Variants in LGSN observed in about 807,000 individuals in gnomAD.
LGSN encodes lengsin.
Under a neutral mutation model 19.5 loss-of-function variants are expected in LGSN, and 21 were observed. That is an observed-to-expected ratio of 1.07 (90% CI 0.76 to 1.55). The LOEUF (loss-of-function observed/expected upper bound fraction) is 1.55. Ranked by LOEUF, LGSN falls within the 40% of genes most tolerant of loss-of-function variation. The probability of loss-of-function intolerance (pLI) is 0.00; values close to 1 mark genes in which losing one functional copy is unlikely to be tolerated. For synonymous variants in LGSN, 257 were observed against 215.6 expected (o/e 1.19, Z -1.68); for missense variants, 673 against 608.5 (o/e 1.11, Z -1.12).
At chr6:63,397,179 A>G in the LGSN span, 1 of 152,254 alleles carries the variant, frequency 6.6e-6, no homozygotes, top group Non-Finnish European at 1.5e-5. Context: ...CAATCCTCTT[A>G]TCTCATAAGA....
chr6:63,497,398 A>G, the LGSN span, among the ~76,000 whole-genome samples: 1 of 151,990 alleles, frequency 6.6e-6, no homozygotes, highest in Non-Finnish European at 1.5e-5. Flanking sequence ...ACAATACAAA[A>G]ATTAGCCAGG....
At chr6:63,348,208 G>C in the LGSN span, among the ~76,000 whole-genome samples, 2 of 152,158 alleles carry the variant, frequency 1.3e-5, no homozygotes, top group East Asian at 1.9e-4. Flanking sequence ...TAAAAGTATG[G>C]ACTGGGAGGC....
the LGSN span, among the ~76,000 whole-genome samples, chr6:63,519,851 T>C: frequency 6.6e-6 from 1 of 152,210 alleles, no homozygotes; most frequent in African/African-American, 2.4e-5. Flanking sequence ...CATCAATTTA[T>C]CAATAAAAAC....
chr6:63,334,683 G>A, the LGSN span, among the ~76,000 whole-genome samples: 1 of 152,104 alleles, frequency 6.6e-6, no homozygotes, highest in Admixed American at 6.6e-5. Flanking sequence ...TGAAGCTGGA[G>A]GCATCACACT....
At chr6:63,353,232 G>A in the LGSN span, among the ~76,000 whole-genome samples, 1 of 152,222 alleles carries the variant, frequency 6.6e-6, no homozygotes, top group East Asian at 1.9e-4. Flanking sequence ...TAACACCAAA[G>A]GGGAAGGAAA....
the LGSN span, among the ~76,000 whole-genome samples, chr6:63,569,652 G>A: frequency 1.9e-3 from 284 of 152,316 alleles, 1 homozygote; most frequent in African/African-American, 6.5e-3. Flanking sequence ...CCTGCCTATC[G>A]TGATGAGGTT....
the LGSN span, among the ~76,000 whole-genome samples, chr6:63,560,294 C>T: frequency 1.1e-4 from 16 of 141,958 alleles, no homozygotes; most frequent in South Asian, 4.4e-4. Flanking sequence ...GCTGAGATCA[C>T]GCCATTGCAC....
the LGSN span, among the ~76,000 whole-genome samples, chr6:63,361,762 T>C: frequency 1.3e-5 from 2 of 152,126 alleles, no homozygotes; most frequent in African/African-American, 2.4e-5. Context: ...CTGGGAGCTG[T>C]GGGCTGGAGC....
At chr6:63,386,850 A>G in the LGSN span, among the ~76,000 whole-genome samples, 2 of 152,128 alleles carry the variant, frequency 1.3e-5, no homozygotes, top group Non-Finnish European at 2.9e-5. Flanking sequence ...TGTAATCTCA[A>G]TACTTTGGGA....
the LGSN span, chr6:63,550,628 G>C: frequency 6.6e-6 from 1 of 152,334 alleles, no homozygotes; most frequent in Non-Finnish European, 1.5e-5. Flanking sequence ...TGGTTGGTTG[G>C]TTGGTTTTTG....
the LGSN span, among the ~76,000 whole-genome samples, chr6:63,355,381 A>C: frequency 1.3e-5 from 2 of 152,194 alleles, no homozygotes; most frequent in Non-Finnish European, 2.9e-5. Context: ...TCCTCATGGT[A>C]ATTAGTCTAG....
At chr6:63,364,263 CA>C in the LGSN span, among the ~76,000 whole-genome samples, 19,829 of 143,594 alleles carry the variant, frequency 0.14, 2,880 homozygotes, top group African/African-American at 0.37. Flanking sequence ...AACAAACAAA[CA>C]AAAAAAAAAC....
At chr6:63,393,402 C>A in the LGSN span, among the ~76,000 whole-genome samples, 4 of 151,530 alleles carry the variant, frequency 2.6e-5, no homozygotes, top group African/African-American at 9.7e-5. Context: ...TGGTCTCGAA[C>A]TCCTGACCTC....
intron 3 of LGSN, among the ~76,000 whole-genome samples, chr6:63,282,813 A>T (rs1767371683): frequency 6.6e-6 from 1 of 152,132 alleles, no homozygotes. Context: ...ACACACACAC[A>T]CACGCTTACT....
intron 2 of LGSN, chr6:63,293,778 G>T (rs1767864187): frequency 2.2e-6 from 1 of 456,554 alleles, no homozygotes; most frequent in South Asian, 1.5e-5. Context: ...TGACAGATGA[G>T]ACTCAGCAGA....
chr6:63,382,032 A>G, the LGSN span, among the ~76,000 whole-genome samples: 1 of 152,228 alleles, frequency 6.6e-6, no homozygotes. Context: ...CTGGTACCTT[A>G]AACATAAAAG....
chr6:63,375,749 A>G, the LGSN span, among the ~76,000 whole-genome samples: 1 of 152,152 alleles, frequency 6.6e-6, no homozygotes, highest in African/African-American at 2.4e-5. Flanking sequence ...GAAATGAGAT[A>G]AGAAAAACAA....
chr6:63,279,946 G>C lies in LGSN; in HGVS notation c.*75C>G. ...ATTGTTGCTGTTGTTAATTACAAAA[G>C]TTCAGTCTTTTTGTTTTGGTAGATT... is the stretch of plus-strand genomic sequence containing the variant. On this transcript the variant is annotated 3_prime_UTR_variant, in exon 4 of 4. Transcript: ENST00000370657. 1.5e-6 allele frequency: 2 copies of C among 1,348,776 alleles called. No homozygotes were observed. Among genetic ancestry groups the C allele is most frequent in the Non-Finnish European group, 2.0e-6 (2 of 987,674 alleles). The allele number at this position is 1,348,776 out of a possible 1,614,324, so 83.6% of individuals were successfully genotyped here.
At chr6:63,351,377 G>C in the LGSN span, among the ~76,000 whole-genome samples, 2 of 152,078 alleles carry the variant, frequency 1.3e-5, no homozygotes, top group African/African-American at 4.8e-5. Flanking sequence ...ATATCTCTGT[G>C]TGTGTGTGTG....
Sources: allele counts gnomAD v4.1 joint callset (sites outside exome capture counted in the v4.1 genomes callset), GRCh38; gene constraint gnomAD v4.1.1; transcripts MANE v1.5; gene names NCBI Gene and HGNC (gene_info 2026-07-23, HGNC 2026-07-21).